Variants in SMIM26 observed in about 807,000 individuals in gnomAD.
SMIM26 encodes small integral membrane protein 26, also known as long intergenic non-protein coding RNA 493.
Under a neutral mutation model 2.5 loss-of-function variants are expected in SMIM26, and 2 were observed. The ratio of observed to expected loss-of-function variants is 0.80; its 90% confidence interval spans 0.33 to 2.53. The LOEUF (loss-of-function observed/expected upper bound fraction) is 2.53, where lower values mean the gene tolerates loss of function less well. Among genes scored for constraint, SMIM26 ranks in the 30% most tolerant of loss-of-function variants. The pLI, the probability that SMIM26 is intolerant of heterozygous loss-of-function variation, is 0.11. For synonymous variants in SMIM26, 32 were observed against 17.8 expected (o/e 1.80, Z -2.01); for missense variants, 77 against 46.1 (o/e 1.67, Z -1.94).
intron 1 of SMIM26, chr20:18,568,873 T>G: frequency 6.0e-6 from 1 of 165,538 alleles, no homozygotes; most frequent in South Asian, 1.7e-4. Context: ...ATCTCCCAAC[T>G]CAAGCAGTCC....
chr20:18,567,723 T>G (rs1338689679), intron 1 of SMIM26, 127 bp downstream of exon 1: 2 of 641,132 alleles, frequency 3.1e-6, no homozygotes, highest in Non-Finnish European at 5.7e-6. Flanking sequence ...TTGAAACGGG[T>G]GCTAACAGCC....
chr20:18,568,228 G>A (rs1418747714), intron 1 of SMIM26, among the ~76,000 whole-genome samples: 1 of 152,166 alleles, frequency 6.6e-6, no homozygotes, highest in Non-Finnish European at 1.5e-5. Context: ...ATTTTAAGTG[G>A]GTTAATCGTA....
Position 18,569,550 on chromosome 20 carries a change from C to A in SMIM26, c.*145C>A. 2 of 570,316 alleles carry A rather than the reference C, an allele frequency of 3.5e-6. No individual in the cohort carries two copies. The highest frequency in any genetic ancestry group is 6.2e-6 in the Non-Finnish European group (2 of 320,690). The allele number at this position is 570,316 out of a possible 1,614,324, so 35.3% of individuals were successfully genotyped here. A position where few individuals can be genotyped will look rare whatever the true frequency, so the allele number is the denominator to read the frequency against. On this transcript the variant is annotated 3_prime_UTR_variant, in exon 2 of 2. Coordinates refer to ENST00000411646, the MANE Select transcript of SMIM26 (RefSeq NM_001348957.2). ...ACTAATAATATGCAATAAATATTTTCTTGAAGGAAACTATCTGCGTTTTCT... is the reference window on the plus strand; with the variant it reads ...ACTAATAATATGCAATAAATATTTTATTGAAGGAAACTATCTGCGTTTTCT...
In SMIM26 at chr20:18,569,520, T is replaced by C; in HGVS notation, c.*115T>C. On this transcript the variant is annotated 3_prime_UTR_variant, in exon 2 of 2. Coordinates refer to ENST00000411646, the MANE Select transcript of SMIM26 (RefSeq NM_001348957.2). ...ATGTATTTAAATTTGCTGTAAAACATAATCACTAATAATATGCAATAAATA... is the reference window on the plus strand; with the variant it reads ...ATGTATTTAAATTTGCTGTAAAACACAATCACTAATAATATGCAATAAATA... The C allele has an allele frequency of 1.5e-6, 1 of 679,624 alleles. No individual in the cohort carries two copies. Among genetic ancestry groups the C allele is most frequent in the Non-Finnish European group, 2.7e-6 (1 of 374,758 alleles). 42.1% of individuals were successfully genotyped at this position (679,624 alleles called of 1,614,324 possible).
intron 1 of SMIM26, among the ~76,000 whole-genome samples, chr20:18,568,145 G>T (rs1568632223): frequency 6.6e-6 from 1 of 152,230 alleles, no homozygotes; most frequent in African/African-American, 2.4e-5. Context: ...TCCTTTTGTG[G>T]ATGAAAGTAT....
intron 1 of SMIM26, among the ~76,000 whole-genome samples, chr20:18,568,448 C>T (rs1231354993): frequency 1.3e-5 from 2 of 151,706 alleles, no homozygotes. Flanking sequence ...TCGGGACCAG[C>T]CTGGGCAACA....
chr20:18,569,112 A>G, intron 1 of SMIM26, 124 bp from the exon 2 acceptor site: 1 of 563,934 alleles, frequency 1.8e-6, no homozygotes, highest in Non-Finnish European at 3.1e-6. Flanking sequence ...TCCTTCCTTC[A>G]TTATTGGGGT....
In SMIM26 at chr20:18,567,446, C is replaced by T. The variant is rs975524969; in HGVS notation, c.-33C>T. On this transcript the variant is annotated 5_prime_UTR_variant, in exon 1 of 2. Coordinates refer to ENST00000411646, the MANE Select transcript of SMIM26 (RefSeq NM_001348957.2). ...CCGGAAGTCCCGCCTCTGCCGTGGG[C>T]CTGCGAGAATCGAGGCACTCGCTGG... 7 of 702,750 alleles carry T rather than the reference C, an allele frequency of 1.0e-5. No homozygotes were observed. In the African/African-American group the frequency reaches 1.0e-4, roughly 11 times the overall value. 43.5% of individuals were successfully genotyped at this position (702,750 alleles called of 1,614,324 possible). A position where few individuals can be genotyped will look rare whatever the true frequency, so the allele number is the denominator to read the frequency against.
chr20:18,569,005 A>T, intron 1 of SMIM26: 1 of 414,486 alleles, frequency 2.4e-6, no homozygotes, highest in Non-Finnish European at 4.3e-6. Context: ...CAAACACCTG[A>T]CCTCAGGTGG....
intron 1 of SMIM26, chr20:18,568,800 A>G (rs6035080): frequency 0.91 from 137,517 of 151,368 alleles, 63,650 homozygotes; most frequent in South Asian, 1. Flanking sequence ...TTTTTGAGAC[A>G]GAGTCTAGCT....
At position 18,567,452 on chromosome 20, in the gene SMIM26, A is replaced by G. The variant is rs781642246; in HGVS notation, c.-27A>G. 4 of 702,958 alleles carry G rather than the reference A, an allele frequency of 5.7e-6. 1 individual carries two copies. In the South Asian group the frequency reaches 5.9e-5, roughly 10 times the overall value. The allele number at this position is 702,958 out of a possible 1,614,324, so 43.5% of individuals were successfully genotyped here. On this transcript the variant is annotated 5_prime_UTR_variant, in exon 1 of 2. Transcript: ENST00000411646. ...GTCCCGCCTCTGCCGTGGGCCTGCG[A>G]GAATCGAGGCACTCGCTGGCGTACC...
rs1277560833 is a variant in SMIM26 at position 18,567,688 on chromosome 20, TC to T, written c.118+95del. ...GGAAACAACTTCCCTGTCCTTTAAA[TC>T]CCAGGTTTATTCTGCAAAACTAATT... On this transcript the variant is annotated intron_variant, in intron 1 of 1. Transcript: ENST00000411646. The T allele has an allele frequency of 8.8e-6, 6 of 685,078 alleles. No individual in the cohort carries two copies. The African/African-American group carries it at 1.1e-4, about 12-fold the overall frequency. The allele number at this position is 685,078 out of a possible 1,614,324, so 42.4% of individuals were successfully genotyped here. A position where few individuals can be genotyped will look rare whatever the true frequency, so the allele number is the denominator to read the frequency against.
chr20:18,569,387 C>T lies in SMIM26; in HGVS notation c.270C>T (p.Gly90=), dbSNP rs184534955. ...ACTATTGGAAATCATGGACTGGTGGCCCTGGTACAGAACCATGACTGGCTG... is the reference window on the plus strand; with the variant it reads ...ACTATTGGAAATCATGGACTGGTGGTCCTGGTACAGAACCATGACTGGCTG... ...ILNYWKSWTG[G]PGTEP is the part of the protein sequence containing the mutation. Residue 90 remains glycine, a synonymous_variant, in exon 2 of 2, where the codon GGC becomes GGT. Coordinates refer to ENST00000411646, the MANE Select transcript of SMIM26 (RefSeq NM_001348957.2). 20 of 702,758 alleles carry T rather than the reference C, an allele frequency of 2.8e-5. 1 individual carries two copies. Among genetic ancestry groups the T allele is most frequent in the Admixed American group, 1.6e-4 (8 of 49,984 alleles). The allele number at this position is 702,758 out of a possible 1,614,324, so 43.5% of individuals were successfully genotyped here. A position where few individuals can be genotyped will look rare whatever the true frequency, so the allele number is the denominator to read the frequency against.
chr20:18,569,454 G>A lies in SMIM26; in HGVS notation c.*49G>A, dbSNP rs906581563. The stretch of plus-strand genomic sequence containing the variant: ...AGGACTTGGTTCAACATTTAAATTT[G>A]ATAGTTGCCCTGATTCCCATTTTGG... On this transcript the variant is annotated 3_prime_UTR_variant, in exon 2 of 2. Coordinates refer to ENST00000411646, the MANE Select transcript of SMIM26 (RefSeq NM_001348957.2). The A allele has an allele frequency of 1.3e-5, 9 of 702,112 alleles. No individual in the cohort carries two copies. The African/African-American group carries it at 1.6e-4, about 12-fold the overall frequency. The allele number at this position is 702,112 out of a possible 1,614,324, so 43.5% of individuals were successfully genotyped here.
At chr20:18,569,112 AT>A (rs2060523509) in intron 1 of SMIM26, 123 bp from the exon 2 acceptor site, 1 of 563,832 alleles carries the variant, frequency 1.8e-6, no homozygotes, top group Admixed American at 3.2e-5. Flanking sequence ...TCCTTCCTTC[AT>A]TATTGGGGTT....
At chr20:18,567,741 AT>A (rs1382781232) in intron 1 of SMIM26, 145 bp downstream of exon 1, 2 of 623,792 alleles carry the variant, frequency 3.2e-6, no homozygotes, top group Non-Finnish European at 5.8e-6. Flanking sequence ...GCCGTTTGTT[AT>A]AATGGAATCT....
rs566725107 is a variant in SMIM26 at position 18,568,235 on chromosome 20, C to T, written c.118+639C>T. Among the ~76,000 whole-genome samples, 23 of 152,274 alleles carry T rather than the reference C, an allele frequency of 1.5e-4. No individual in the cohort carries two copies. The South Asian group carries it at 4.6e-3, about 30-fold the overall frequency. ...AATTGTATATTTTAAGTGGGTTAAT[C>T]GTATATGTTAATTATATCTCAGTAA... is the stretch of plus-strand genomic sequence containing the variant. On this transcript the variant is annotated intron_variant, in intron 1 of 1. Transcript: ENST00000411646.
intron 1 of SMIM26, among the ~76,000 whole-genome samples, chr20:18,567,836 C>G (rs1271799903): frequency 6.6e-6 from 1 of 152,176 alleles, no homozygotes; most frequent in Non-Finnish European, 1.5e-5. Context: ...AGGGCCGTCC[C>G]CATATTCAGA....
intron 1 of SMIM26, chr20:18,569,027 C>T (rs981318399): frequency 5.6e-5 from 25 of 449,912 alleles, no homozygotes; most frequent in Admixed American, 1.2e-4. Flanking sequence ...CCACCTGCCT[C>T]GGCCCCCACA....
Sources: allele counts gnomAD v4.1 joint callset (sites outside exome capture counted in the v4.1 genomes callset), GRCh38; gene constraint gnomAD v4.1.1; transcripts MANE v1.5; gene names NCBI Gene and HGNC (gene_info 2026-07-23, HGNC 2026-07-21).